The following STK3 variants were observed in gnomAD, a reference collection of about 807,000 sequenced individuals.
STK3 encodes the protein serine/threonine kinase 3.
Under a neutral mutation model 58.0 loss-of-function variants are expected in STK3, and 41 were observed. The observed-to-expected ratio is 0.71, with a 90% CI of 0.55 to 0.92. The LOEUF (loss-of-function observed/expected upper bound fraction) is 0.92. Among genes scored for constraint, STK3 ranks in the 40% least tolerant of loss-of-function variants. The pLI is 0.00. For missense variants in STK3, 479 were observed against 602.7 expected (o/e 0.79, Z 2.15); for synonymous variants, 170 against 191.0 (o/e 0.89, Z 0.91).
At chr8:98,694,041 C>A (rs1437036574) in intron 6 of STK3, among the ~76,000 whole-genome samples, 1 of 152,066 alleles carries the variant, frequency 6.6e-6, no homozygotes, top group African/African-American at 2.4e-5. Flanking sequence ...TGGGAGAGAG[C>A]TACTGTGTTT....
In STK3 at chr8:98,726,172, C is replaced by T. The variant is rs546545123; in HGVS notation, c.352-18861G>A. On this transcript the variant is annotated intron_variant, in intron 4 of 10. Coordinates refer to ENST00000419617, the MANE Select transcript of STK3 (RefSeq NM_006281.4). Reference sequence around the variant, plus strand: ...AGTGTATGAAGGTGGGCCTGACTGACGAAAGGGAAGTAGAACTGGGAGAAA... The same window carrying T: ...AGTGTATGAAGGTGGGCCTGACTGATGAAAGGGAAGTAGAACTGGGAGAAA... Among the ~76,000 whole-genome samples the T allele has an allele frequency of 6.6e-5, 10 of 152,110 alleles. No homozygotes were observed. The South Asian group carries it at 1.2e-3, about 19-fold the overall frequency.
intron 10 of STK3, among the ~76,000 whole-genome samples, chr8:98,474,817 G>A (rs558177045): frequency 8.6e-5 from 13 of 152,042 alleles, no homozygotes; most frequent in African/African-American, 2.9e-4. Context: ...ATTTATCACC[G>A]TACTGCAATC....
At chr8:98,616,432 T>A (rs1213292170) in intron 6 of STK3, among the ~76,000 whole-genome samples, 3 of 147,808 alleles carry the variant, frequency 2.0e-5, no homozygotes, top group African/African-American at 7.4e-5. Flanking sequence ...GCTAACATCA[T>A]CATGACAGGA....
At chr8:98,347,000 G>A in the STK3 span, among the ~76,000 whole-genome samples, 2 of 151,676 alleles carry the variant, frequency 1.3e-5, no homozygotes, top group Non-Finnish European at 2.9e-5. Context: ...TACAATATAT[G>A]TGAAAACAAA....
chr8:98,674,022 A>G (rs540287984), intron 6 of STK3, among the ~76,000 whole-genome samples: 1 of 152,306 alleles, frequency 6.6e-6, no homozygotes, highest in East Asian at 1.9e-4. Context: ...ATTCAGCATG[A>G]AATTATGTAA....
chr8:98,544,005 G>A (rs1311922108), intron 9 of STK3, among the ~76,000 whole-genome samples: 2 of 149,980 alleles, frequency 1.3e-5, no homozygotes, highest in African/African-American at 5.0e-5. Context: ...ATGAAATATA[G>A]CCTCTAAGAG....
chr8:98,905,367 C>T, intron 1 of STK3: 2 of 1,060,442 alleles, frequency 1.9e-6, no homozygotes, highest in Admixed American at 3.4e-5. Flanking sequence ...AATGACTGGA[C>T]CATACTTCTC....
At chr8:98,655,515 C>T (rs1378991757) in intron 6 of STK3, among the ~76,000 whole-genome samples, 1 of 151,966 alleles carries the variant, frequency 6.6e-6, no homozygotes, top group Admixed American at 6.6e-5. Context: ...AGCTTCTGCA[C>T]AGCAAAAGAA....
chr8:98,583,949 A>C (rs1454583061), intron 7 of STK3, among the ~76,000 whole-genome samples: 1 of 152,014 alleles, frequency 6.6e-6, no homozygotes, highest in East Asian at 1.9e-4. Context: ...AATAGGAGTT[A>C]TTTGTATTTT....
chr8:98,468,260 A>G (rs1301034110), intron 10 of STK3, among the ~76,000 whole-genome samples: 2 of 152,234 alleles, frequency 1.3e-5, no homozygotes, highest in African/African-American at 4.8e-5. Flanking sequence ...CACTTGCCAC[A>G]TGGGCCTTAG....
intron 3 of STK3, among the ~76,000 whole-genome samples, chr8:98,760,418 G>A (rs1281677880): frequency 2.0e-5 from 3 of 152,196 alleles, no homozygotes; most frequent in Admixed American, 6.5e-5. Flanking sequence ...GGAATTACAG[G>A]CGTGAGCCAC....
chr8:98,387,639 T>C (rs945467471), intron 1 of STK3, among the ~76,000 whole-genome samples: 3 of 152,106 alleles, frequency 2.0e-5, no homozygotes, highest in African/African-American at 7.2e-5. Context: ...TCCCAGCTAC[T>C]CAGGAGGCTG....
intron 2 of STK3, among the ~76,000 whole-genome samples, chr8:98,772,731 G>A (rs562900986): frequency 5.9e-5 from 9 of 151,860 alleles, no homozygotes; most frequent in Admixed American, 6.6e-5. Context: ...ATAAAACTGC[G>A]TGGCACCTCC....
intron 6 of STK3, among the ~76,000 whole-genome samples, chr8:98,608,501 ATTTG>A (rs956211198): frequency 2.0e-5 from 3 of 151,960 alleles, no homozygotes; most frequent in African/African-American, 7.2e-5. Flanking sequence ...TGTCCTTCTA[ATTTG>A]TTTACTTTTT....
At chr8:98,618,872 G>A (rs1818006651) in intron 6 of STK3, among the ~76,000 whole-genome samples, 1 of 150,530 alleles carries the variant, frequency 6.6e-6, no homozygotes, top group Non-Finnish European at 1.5e-5. Flanking sequence ...TCAATATCGT[G>A]AAAAAGGCCA....
intron 4 of STK3, among the ~76,000 whole-genome samples, chr8:98,715,556 G>T (rs1161952482): frequency 6.6e-6 from 1 of 152,138 alleles, no homozygotes; most frequent in Admixed American, 6.5e-5. Flanking sequence ...GACCATCAGA[G>T]AAATGCAAAT....
At chr8:98,656,954 T>C (rs1420829930) in intron 6 of STK3, among the ~76,000 whole-genome samples, 1 of 152,134 alleles carries the variant, frequency 6.6e-6, no homozygotes, top group Non-Finnish European at 1.5e-5. Context: ...CTCATTCATT[T>C]ATTATTTAAT....
At chr8:98,528,582 G>A (rs1825920413) in intron 9 of STK3, among the ~76,000 whole-genome samples, 2 of 152,122 alleles carry the variant, frequency 1.3e-5, no homozygotes, top group Non-Finnish European at 2.9e-5. Flanking sequence ...CGCCTCCTGA[G>A]TTCAAGCAAT....
chr8:98,915,110 A>C (rs954282869), intron 1 of STK3, among the ~76,000 whole-genome samples: 2 of 152,110 alleles, frequency 1.3e-5, no homozygotes, highest in African/African-American at 4.8e-5. Flanking sequence ...TGAAAGATAC[A>C]AAGTATTGAT....
Sources: gnomAD v4.1 joint callset for allele counts (sites outside exome capture counted in the v4.1 genomes callset) on GRCh38, gnomAD v4.1.1 for gene constraint, MANE v1.5 for transcripts, NCBI Gene and HGNC (gene_info 2026-07-23, HGNC 2026-07-21) for gene names.